Variants in MLLT3 observed in about 807,000 individuals in gnomAD.
MLLT3 encodes the protein MLLT3 super elongation complex subunit, also known as protein AF-9.
MLLT3 carries 4 observed loss-of-function variants against 53.2 expected under a neutral mutation model. The ratio of observed to expected loss-of-function variants is 0.08; its 90% confidence interval spans 0.04 to 0.17. The LOEUF (loss-of-function observed/expected upper bound fraction) is 0.17. Among genes scored for constraint, MLLT3 ranks in the 10% least tolerant of loss-of-function variants. The pLI is 1.00. For synonymous variants in MLLT3, 283 were observed against 230.6 expected (o/e 1.23, Z -2.06); for missense variants, 569 against 684.0 (o/e 0.83, Z 1.87).
At chr9:20,439,255 C>G (rs562184268) in intron 4 of MLLT3, among the ~76,000 whole-genome samples, 1 of 152,084 alleles carries the variant, frequency 6.6e-6, no homozygotes, top group African/African-American at 2.4e-5. Context: ...ACTCAGGAGA[C>G]TGAGGCAGGA....
intron 2 of MLLT3, among the ~76,000 whole-genome samples, chr9:20,590,587 C>G (rs1820103644): frequency 6.6e-6 from 1 of 152,198 alleles, no homozygotes; most frequent in Non-Finnish European, 1.5e-5. Flanking sequence ...GTAAGACATG[C>G]CTGCTTCCCC....
chr9:20,344,834 T>C lies in MLLT3; in HGVS notation c.*1609A>G, dbSNP rs1820824608. 1 of 210,518 alleles carries C rather than the reference T, an allele frequency of 4.8e-6. No individual in the cohort carries two copies. Among genetic ancestry groups the C allele is most frequent in the Non-Finnish European group, 9.6e-6 (1 of 103,750 alleles). The allele number at this position is 210,518 out of a possible 1,614,324, so 13.0% of individuals were successfully genotyped here. On this transcript the variant is annotated 3_prime_UTR_variant, in exon 11 of 11. Coordinates refer to ENST00000380338, the MANE Select transcript of MLLT3 (RefSeq NM_004529.4). ...GTACAGACACTAGTTAATCTCTGTA[T>C]GAAAAGACAGCATCTGGCATGGGAA...
At chr9:20,522,007 GTTTTT>G (rs11345001) in intron 2 of MLLT3, among the ~76,000 whole-genome samples, 1 of 144,874 alleles carries the variant, frequency 6.9e-6, no homozygotes, top group Non-Finnish European at 1.5e-5. Context: ...GACTGTCACA[GTTTTT>G]TTTTTTTTTA....
intron 2 of MLLT3, among the ~76,000 whole-genome samples, chr9:20,503,555 A>G (rs1406359162): frequency 6.6e-6 from 1 of 152,234 alleles, no homozygotes; most frequent in Non-Finnish European, 1.5e-5. Flanking sequence ...AAAATGGACT[A>G]AAGATTCAAA....
intron 2 of MLLT3, among the ~76,000 whole-genome samples, chr9:20,579,431 AG>A (rs1437890880): frequency 1.3e-5 from 2 of 152,020 alleles, no homozygotes; most frequent in Admixed American, 1.3e-4. Flanking sequence ...TATATACAAA[AG>A]AACAAAACAA....
intron 2 of MLLT3, among the ~76,000 whole-genome samples, chr9:20,614,576 A>T (rs1820778795): frequency 1.3e-5 from 2 of 152,172 alleles, no homozygotes; most frequent in African/African-American, 4.8e-5. Flanking sequence ...ATAGTTATAT[A>T]TGAAAATTTC....
At chr9:20,390,064 G>C (rs1034657630) in intron 5 of MLLT3, among the ~76,000 whole-genome samples, 2 of 152,140 alleles carry the variant, frequency 1.3e-5, no homozygotes, top group Admixed American at 6.5e-5. Flanking sequence ...GTTATGAGAA[G>C]CAACCAAGGG....
intron 2 of MLLT3, among the ~76,000 whole-genome samples, chr9:20,487,107 T>C (rs1220279305): frequency 6.6e-6 from 1 of 152,122 alleles, no homozygotes; most frequent in Non-Finnish European, 1.5e-5. Context: ...TCACCTAGAA[T>C]TATGGCAGAG....
chr9:20,371,391 C>T (rs191617656), intron 5 of MLLT3, among the ~76,000 whole-genome samples: 115 of 152,318 alleles, frequency 7.5e-4, no homozygotes, highest in South Asian at 1.4e-3. Flanking sequence ...GAAGTCAAGG[C>T]CTGGCTTCAA....
chr9:20,434,651 T>C (rs1823358561), intron 4 of MLLT3, among the ~76,000 whole-genome samples: 1 of 152,226 alleles, frequency 6.6e-6, no homozygotes, highest in Non-Finnish European at 1.5e-5. Flanking sequence ...GGCTTCCTTA[T>C]ACAAATTAGT....
chr9:20,556,943 G>A (rs902285080), intron 2 of MLLT3, among the ~76,000 whole-genome samples: 5 of 152,156 alleles, frequency 3.3e-5, no homozygotes, highest in African/African-American at 1.2e-4. Context: ...GACAACGTAT[G>A]CAATCAGCAC....
At chr9:20,451,288 C>G (rs1417330275) in intron 3 of MLLT3, among the ~76,000 whole-genome samples, 1 of 152,124 alleles carries the variant, frequency 6.6e-6, no homozygotes, top group East Asian at 1.9e-4. Flanking sequence ...AAGACTAAAA[C>G]TCCTAAGTTC....
At chr9:20,442,997 G>T in intron 4 of MLLT3, among the ~76,000 whole-genome samples, 1 of 152,138 alleles carries the variant, frequency 6.6e-6, no homozygotes, top group East Asian at 1.9e-4. Context: ...AACTGCTGTG[G>T]TTAGTTTTAA....
At chr9:20,361,548 C>T (rs1336866003) in intron 7 of MLLT3, among the ~76,000 whole-genome samples, 1 of 152,160 alleles carries the variant, frequency 6.6e-6, no homozygotes, top group Admixed American at 6.5e-5. Context: ...ACTGATACAA[C>T]AATTCATTGG....
intron 2 of MLLT3, among the ~76,000 whole-genome samples, chr9:20,573,902 G>A (rs2131166841): frequency 6.6e-6 from 1 of 152,258 alleles, no homozygotes; most frequent in East Asian, 1.9e-4. Flanking sequence ...CAAGTTACTT[G>A]CTCAAAAATA....
At chr9:20,614,882 A>G (rs1587134347) in intron 2 of MLLT3, among the ~76,000 whole-genome samples, 1 of 152,162 alleles carries the variant, frequency 6.6e-6, no homozygotes, top group Admixed American at 6.5e-5. Context: ...CATGAGAAAG[A>G]AACTTCAAAG....
At position 20,363,419 on chromosome 9, in the gene MLLT3, G is replaced by A. The variant is rs1821373183; in HGVS notation, c.1331+57C>T. 1.9e-6 allele frequency: 3 copies of A among 1,599,662 alleles called. No homozygotes were observed. In the East Asian group the frequency reaches 6.7e-5, roughly 36 times the overall value. On this transcript the variant is annotated intron_variant, in intron 7 of 10. Transcript: ENST00000380338. ...CCTTTGCTGTGATTATCCCAGCAGG[G>A]CTTGTGAAAGAGTCTGACTTCATCA...
intron 2 of MLLT3, among the ~76,000 whole-genome samples, chr9:20,466,069 G>C (rs1484793056): frequency 2.0e-5 from 3 of 152,102 alleles, no homozygotes; most frequent in African/African-American, 7.2e-5. Context: ...CCCAAACAAT[G>C]AAAAACTGAA....
chr9:20,386,485 TG>T (rs1178582017), intron 5 of MLLT3, among the ~76,000 whole-genome samples: 2 of 152,210 alleles, frequency 1.3e-5, no homozygotes, highest in African/African-American at 4.8e-5. Context: ...AACAAGGAGT[TG>T]ATCTGGCTCC....
Sources: gnomAD v4.1 joint callset for allele counts (sites outside exome capture counted in the v4.1 genomes callset) on GRCh38, gnomAD v4.1.1 for gene constraint, MANE v1.5 for transcripts, NCBI Gene and HGNC (gene_info 2026-07-23, HGNC 2026-07-21) for gene names.